The following TAF3 variants were observed in gnomAD, a reference collection of about 807,000 sequenced individuals.
The protein encoded by TAF3 is transcription initiation factor TFIID subunit 3.
TAF3 carries 7 observed loss-of-function variants against 80.6 expected under a neutral mutation model. The ratio of observed to expected loss-of-function variants is 0.09; its 90% CI spans 0.05 to 0.16. The LOEUF is 0.16. TAF3 is among the 10% of genes least tolerant of loss of function. The pLI is 1.00. For synonymous variants in TAF3, 444 were observed against 446.1 expected, an observed-to-expected ratio of 1.00 and a Z score of 0.06; for missense variants, 921 against 1,140.2, an observed-to-expected ratio of 0.81 and a Z score of 2.77.
At chr10:7,893,891 C>T (rs1204062467) in intron 2 of TAF3, among the ~76,000 whole-genome samples, 1 of 152,058 alleles carries the variant, frequency 6.6e-6, no homozygotes, top group African/African-American at 2.4e-5. Context: ...ATTTCATCAT[C>T]CTTCTCAAAA....
At chr10:7,883,928 C>T (rs1325867287) in intron 2 of TAF3, among the ~76,000 whole-genome samples, 1 of 152,102 alleles carries the variant, frequency 6.6e-6, no homozygotes, top group African/African-American at 2.4e-5. Context: ...CTCAGAGTCA[C>T]CAGGCAACGC....
chr10:7,870,966 A>G (rs935112749), intron 2 of TAF3, among the ~76,000 whole-genome samples: 2 of 152,226 alleles, frequency 1.3e-5, no homozygotes, highest in South Asian at 2.1e-4. Flanking sequence ...TATAATTTTC[A>G]TGACTTAGAT....
chr10:7,998,668 G>A (rs1357352518), intron 4 of TAF3, among the ~76,000 whole-genome samples: 4 of 151,922 alleles, frequency 2.6e-5, no homozygotes, highest in South Asian at 2.1e-4. Context: ...GTGAAACCCC[G>A]TCTCTACTAA....
intron 2 of TAF3, among the ~76,000 whole-genome samples, chr10:7,930,527 A>C (rs1837858459): frequency 6.6e-6 from 1 of 152,230 alleles, no homozygotes; most frequent in African/African-American, 2.4e-5. Flanking sequence ...TAAGGAGTGC[A>C]TTAAACTACA....
chr10:8,006,964 G>A (rs953866543), intron 4 of TAF3, among the ~76,000 whole-genome samples: 20 of 152,194 alleles, frequency 1.3e-4, no homozygotes, highest in African/African-American at 3.9e-4. Context: ...CTAAAGAATT[G>A]TGTGGAATAG....
At chr10:7,926,932 A>T (rs989760555) in intron 2 of TAF3, among the ~76,000 whole-genome samples, 1 of 152,290 alleles carries the variant, frequency 6.6e-6, no homozygotes, top group South Asian at 2.1e-4. Flanking sequence ...CAACGTGTGT[A>T]TATATATTAT....
intron 2 of TAF3, among the ~76,000 whole-genome samples, chr10:7,838,494 G>C (rs1836874841): frequency 6.6e-6 from 1 of 152,066 alleles, no homozygotes; most frequent in Admixed American, 6.6e-5. Context: ...CGATTCTCCT[G>C]CCTTAGCCTT....
intron 2 of TAF3, among the ~76,000 whole-genome samples, chr10:7,927,077 T>C (rs1028316377): frequency 6.6e-6 from 1 of 152,146 alleles, no homozygotes; most frequent in Admixed American, 6.5e-5. Flanking sequence ...ACTTATCAAA[T>C]GATAAAGAAA....
At chr10:7,835,032 A>G (rs546554808) in intron 2 of TAF3, among the ~76,000 whole-genome samples, 23 of 152,182 alleles carry the variant, frequency 1.5e-4, no homozygotes, top group South Asian at 2.1e-4. Context: ...TCGTACTTTC[A>G]TTGTCTGGAG....
chr10:7,829,447 C>G (rs961063123), intron 2 of TAF3, among the ~76,000 whole-genome samples: 1 of 152,174 alleles, frequency 6.6e-6, no homozygotes, highest in African/African-American at 2.4e-5. Context: ...TTAGACTTTT[C>G]TTGGCTGTGA....
intron 2 of TAF3, among the ~76,000 whole-genome samples, chr10:7,894,228 C>T (rs1030394626): frequency 6.6e-6 from 1 of 152,162 alleles, no homozygotes; most frequent in African/African-American, 2.4e-5. Context: ...TTCTCCTACC[C>T]CTAAGCAATA....
chr10:7,971,645 G>C (rs1411241468), intron 3 of TAF3, among the ~76,000 whole-genome samples: 2 of 152,110 alleles, frequency 1.3e-5, no homozygotes, highest in Non-Finnish European at 2.9e-5. Flanking sequence ...TTATAGATAA[G>C]CTTTTTAAAA....
At chr10:7,839,234 T>C (rs1043610326) in intron 2 of TAF3, among the ~76,000 whole-genome samples, 2 of 152,160 alleles carry the variant, frequency 1.3e-5, no homozygotes, top group Non-Finnish European at 1.5e-5. Context: ...CCTGGCTTCT[T>C]TGAGCGCCCG....
chr10:7,979,495 T>A (rs1831705349), intron 4 of TAF3, among the ~76,000 whole-genome samples: 2 of 152,342 alleles, frequency 1.3e-5, no homozygotes, highest in African/African-American at 4.8e-5. Flanking sequence ...TTGAAAGATA[T>A]GAGAAATCCT....
At position 7,863,624 on chromosome 10, in the gene TAF3, A is replaced by AT. The variant is rs1449874157; in HGVS notation, c.409+39064_409+39065insT. Among the ~76,000 whole-genome samples, 583 of 58,054 alleles carry AT rather than the reference A, an allele frequency of 0.01. 64 individuals are homozygous for AT. The East Asian group carries it at 0.11, about 11-fold the overall frequency. The allele number at this position is 58,054 out of a possible 152,430, so 38.1% of individuals were successfully genotyped here. A position where few individuals can be genotyped will look rare whatever the true frequency, so the allele number is the denominator to read the frequency against. On this transcript the variant is annotated intron_variant, in intron 2 of 6. Transcript: ENST00000344293. ...AACTCTGTCTAAAAAAAAAAAAAAA[A>AT]AAATATATATATATATATATATACA... is the stretch of plus-strand genomic sequence containing the variant.
At chr10:7,992,787 C>T (rs577954144) in intron 4 of TAF3, among the ~76,000 whole-genome samples, 1 of 152,152 alleles carries the variant, frequency 6.6e-6, no homozygotes, top group Non-Finnish European at 1.5e-5. Context: ...TATTTTCAAA[C>T]ATAAAAGAGT....
At chr10:7,866,995 A>T (rs1031714010) in intron 2 of TAF3, among the ~76,000 whole-genome samples, 4 of 152,194 alleles carry the variant, frequency 2.6e-5, no homozygotes, top group African/African-American at 9.7e-5. Context: ...GTGGTGGCTC[A>T]CACCTGGAAT....
chr10:7,872,379 G>A (rs943179266), intron 2 of TAF3, among the ~76,000 whole-genome samples: 1 of 151,992 alleles, frequency 6.6e-6, no homozygotes, highest in Non-Finnish European at 1.5e-5. Flanking sequence ...TGTGGATGGC[G>A]TTATTATTTA....
At position 7,818,970 on chromosome 10, in the gene TAF3, C is replaced by T. The variant is rs1362647040; in HGVS notation, c.166+95C>T. The T allele has an allele frequency of 8.4e-6, 10 of 1,190,856 alleles. No individual in the cohort carries two copies. The South Asian group carries it at 1.8e-4, about 22-fold the overall frequency. 73.8% of individuals were successfully genotyped at this position (1,190,856 alleles called of 1,614,324 possible). ...CCTCCGCGTCCCCGGGGTGTGCATCCCGCACCCCGCCTCGAGATCTGCTGT... is the reference window on the plus strand; with the variant it reads ...CCTCCGCGTCCCCGGGGTGTGCATCTCGCACCCCGCCTCGAGATCTGCTGT... On this transcript the variant is annotated intron_variant, in intron 1 of 6. Transcript: ENST00000344293.
Sources: allele counts gnomAD v4.1 joint callset (sites outside exome capture counted in the v4.1 genomes callset), GRCh38; gene constraint gnomAD v4.1.1; transcripts MANE v1.5; gene names NCBI Gene and HGNC (gene_info 2026-07-23, HGNC 2026-07-21).